CFAP20DC: variants seen among roughly 807,000 people sequenced by gnomAD.
CFAP20DC encodes the protein protein CFAP20DC.
Under a neutral mutation model 101.7 loss-of-function variants are expected in CFAP20DC, and 84 were observed. That is an observed-to-expected ratio of 0.83 (90% CI 0.69 to 0.99). The LOEUF (loss-of-function observed/expected upper bound fraction) is 0.99, where lower values mean the gene tolerates loss of function less well. Ranked by LOEUF, CFAP20DC falls within the 50% of genes least tolerant of loss-of-function variation. CFAP20DC has a pLI of 0.00. For missense variants in CFAP20DC, 1,007 were observed against 970.3 expected, an observed-to-expected ratio of 1.04 and a Z score of -0.50; for synonymous variants, 359 against 351.2, an observed-to-expected ratio of 1.02 and a Z score of -0.25.
At chr3:58,918,777 T>C (rs895059608) in intron 5 of CFAP20DC, among the ~76,000 whole-genome samples, 19 of 152,306 alleles carry the variant, frequency 1.2e-4, no homozygotes, top group Admixed American at 1.0e-3. Context: ...CACTTACTAG[T>C]TACATAATGT....
At chr3:58,945,837 C>A (rs368001923) in intron 4 of CFAP20DC, among the ~76,000 whole-genome samples, 1 of 151,632 alleles carries the variant, frequency 6.6e-6, no homozygotes, top group Admixed American at 6.6e-5. Flanking sequence ...ACTAGGACTA[C>A]AGGCGCACAC....
At chr3:59,035,195 G>A (rs1220550584) in intron 4 of CFAP20DC, among the ~76,000 whole-genome samples, 2 of 152,148 alleles carry the variant, frequency 1.3e-5, no homozygotes, top group Admixed American at 6.5e-5. Flanking sequence ...CTAAAGCAGT[G>A]TTTAGAAGTA....
intron 14 of CFAP20DC, among the ~76,000 whole-genome samples, chr3:58,830,112 AG>A (rs2076296542): frequency 6.6e-6 from 1 of 152,176 alleles, no homozygotes; most frequent in South Asian, 2.1e-4. Flanking sequence ...AGGCTGCCAG[AG>A]GTGTTATGTA....
At chr3:58,757,059 T>C (rs1051993106) in intron 15 of CFAP20DC, among the ~76,000 whole-genome samples, 1 of 152,068 alleles carries the variant, frequency 6.6e-6, no homozygotes, top group Non-Finnish European at 1.5e-5. Context: ...TAGAGGTAAA[T>C]CCTGAAAAGG....
chr3:58,748,954 G>A (rs1238789192), intron 16 of CFAP20DC, among the ~76,000 whole-genome samples: 2 of 152,184 alleles, frequency 1.3e-5, no homozygotes, highest in Non-Finnish European at 2.9e-5. Flanking sequence ...ACTAAGCAGT[G>A]TTGGGAGGAG....
intron 4 of CFAP20DC, among the ~76,000 whole-genome samples, chr3:58,945,800 G>A (rs868014687): frequency 3.3e-5 from 5 of 150,870 alleles, no homozygotes; most frequent in Non-Finnish European, 7.4e-5. Context: ...TGGTTCAAGC[G>A]ATTCTCCTGC....
At chr3:58,748,669 G>C (rs1292025077) in intron 16 of CFAP20DC, among the ~76,000 whole-genome samples, 1 of 152,128 alleles carries the variant, frequency 6.6e-6, no homozygotes, top group Non-Finnish European at 1.5e-5. Flanking sequence ...GGGGTGCTAT[G>C]GGTCTAAGAA....
At chr3:58,806,928 G>A (rs2074119382) in intron 14 of CFAP20DC, among the ~76,000 whole-genome samples, 1 of 152,156 alleles carries the variant, frequency 6.6e-6, no homozygotes, top group Non-Finnish European at 1.5e-5. Flanking sequence ...CCCGCACATG[G>A]CTTGAAGGGT....
At chr3:58,751,793 C>A (rs967096671) in intron 16 of CFAP20DC, among the ~76,000 whole-genome samples, 2 of 151,738 alleles carry the variant, frequency 1.3e-5, no homozygotes, top group Admixed American at 6.6e-5. Context: ...GTTGTGGGAC[C>A]TTGGGCAAGT....
At position 58,820,239 on chromosome 3, in the gene CFAP20DC, G is replaced by A. The variant is rs1372368229; in HGVS notation, c.2175+11447C>T. ...TCCCTTTGAAAACTGGCACAAGACA[G>A]GGATGCCCTCTCTCACCACTCCTAT... On this transcript the variant is annotated intron_variant, in intron 14 of 16. Transcript: ENST00000482387. Among the ~76,000 whole-genome samples, 33 of 149,866 alleles carry A rather than the reference G, an allele frequency of 2.2e-4. No individual in the cohort carries two copies. The South Asian group carries it at 6.8e-3, about 31-fold the overall frequency.
intron 4 of CFAP20DC, chr3:59,017,212 T>C (rs1391530398): frequency 6.6e-6 from 1 of 152,162 alleles, no homozygotes; most frequent in African/African-American, 2.4e-5. Flanking sequence ...TCTAGGAATT[T>C]TGAAATTGCC....
At chr3:58,960,219 G>A (rs1199594998) in intron 4 of CFAP20DC, among the ~76,000 whole-genome samples, 8 of 152,166 alleles carry the variant, frequency 5.3e-5, no homozygotes, top group Non-Finnish European at 7.3e-5. Context: ...TAGGCCGGGC[G>A]TGGTGGCTCA....
At chr3:58,921,732 G>T (rs1438665020) in intron 5 of CFAP20DC, among the ~76,000 whole-genome samples, 1 of 152,116 alleles carries the variant, frequency 6.6e-6, no homozygotes, top group Non-Finnish European at 1.5e-5. Context: ...ATGTCAAATA[G>T]GTCAGATTGG....
At chr3:59,036,989 C>T (rs542265835) in intron 4 of CFAP20DC, among the ~76,000 whole-genome samples, 28 of 152,134 alleles carry the variant, frequency 1.8e-4, no homozygotes, top group African/African-American at 6.7e-4. Context: ...ACATCCACAA[C>T]CAGTTGATTT....
At position 58,868,007 on chromosome 3, in the gene CFAP20DC, ATAAT is replaced by A; in HGVS notation, c.1016-75_1016-72del. 7.0e-7 allele frequency: 1 copy of A among 1,437,516 alleles called. No homozygotes were observed. Among genetic ancestry groups the A allele is most frequent in the Non-Finnish European group, 9.3e-7 (1 of 1,075,980 alleles). 89.0% of individuals were successfully genotyped at this position (1,437,516 alleles called of 1,614,324 possible). A position where few individuals can be genotyped will look rare whatever the true frequency, so the allele number is the denominator to read the frequency against. On this transcript the variant is annotated intron_variant, in intron 9 of 16. Coordinates refer to ENST00000482387, the MANE Select transcript of CFAP20DC (RefSeq NM_001394063.1). The surrounding 1 kb of genome is among the most constrained non-coding windows in gnomAD (Gnocchi z 4.6). ...TATGGCTTGAAGTAACTCAGTAAATATAATTATCACTATAATGAGAATATTCATG... is the reference window on the plus strand; with the variant it reads ...TATGGCTTGAAGTAACTCAGTAAATATATCACTATAATGAGAATATTCATG...
Position 58,859,827 on chromosome 3 carries a change from G to A in CFAP20DC, c.1593+3731C>T, listed in dbSNP as rs1461395676. On this transcript the variant is annotated intron_variant, in intron 12 of 16. Coordinates refer to ENST00000482387, the MANE Select transcript of CFAP20DC (RefSeq NM_001394063.1). This position sits in a 1 kb window ranked among gnomAD's most constrained non-coding sequence, Gnocchi z 4.1. The stretch of plus-strand genomic sequence containing the variant: ...TACATAGAAATATAAGAAGACTACT[G>A]TCAACTAAATATTCCTTTCCACCGT... 1.3e-5 allele frequency among the ~76,000 whole-genome samples: 2 copies of A among 152,108 alleles called. No individual in the cohort carries two copies. The highest frequency in any genetic ancestry group is 4.8e-5 in the African/African-American group (2 of 41,416).
At chr3:59,033,118 G>C (rs2094028708) in intron 4 of CFAP20DC, among the ~76,000 whole-genome samples, 2 of 152,144 alleles carry the variant, frequency 1.3e-5, no homozygotes, top group Non-Finnish European at 2.9e-5. Context: ...CTGACTGTTA[G>C]AAGAAAAACT....
At chr3:58,905,096 T>C (rs1165511515) in intron 6 of CFAP20DC, among the ~76,000 whole-genome samples, 1 of 152,148 alleles carries the variant, frequency 6.6e-6, no homozygotes, top group East Asian at 1.9e-4. Context: ...TTCTCACATT[T>C]CTGAACACAG....
intron 4 of CFAP20DC, among the ~76,000 whole-genome samples, chr3:58,979,565 TCTGAACTTCCATA>T (rs1362573569): frequency 6.6e-6 from 1 of 152,166 alleles, no homozygotes; most frequent in African/African-American, 2.4e-5. Context: ...AAATTCAGGC[TCTGAACTTCCATA>T]AGAGAACGTC....
Sources: gnomAD v4.1 joint callset for allele counts (sites outside exome capture counted in the v4.1 genomes callset) on GRCh38, gnomAD v4.1.1 for gene constraint, Gnocchi (gnomAD v3.1) non-coding constraint, MANE v1.5 for transcripts, NCBI Gene and HGNC (gene_info 2026-07-23, HGNC 2026-07-21) for gene names.